The following NOL6 variants were observed in gnomAD, a reference collection of about 807,000 sequenced individuals.
NOL6 encodes the protein nucleolar protein 6.
Under a neutral mutation model 131.7 loss-of-function variants are expected in NOL6, and 33 were observed. The observed-to-expected ratio is 0.25, with a 90% confidence interval of 0.19 to 0.33. NOL6 has a LOEUF of 0.33. Ranked by LOEUF, NOL6 falls within the 10% of genes least tolerant of loss-of-function variation. NOL6 has a pLI of 1.00. For synonymous variants in NOL6, 580 were observed against 605.7 expected (o/e 0.96, Z 0.62); for missense variants, 1,297 against 1,494.5 (o/e 0.87, Z 2.18).
chr9:33,467,536 T>C lies in NOL6; in HGVS notation c.1603-20A>G. 6.2e-7 allele frequency: 1 copy of C among 1,613,752 alleles called. No homozygotes were observed. Among genetic ancestry groups the C allele is most frequent in the Non-Finnish European group, 8.5e-7 (1 of 1,179,708 alleles). On this transcript the variant is annotated intron_variant, in intron 12 of 25. Transcript: ENST00000297990. The surrounding 1 kb of genome is among the most constrained non-coding windows in gnomAD (Gnocchi z 4.4). ...GTCCCACTGCAGGATTTCAAAAGGC[T>C]GAGCTCAGTCCTCCAATCCTCCAGC...
rs774760665 is a variant in NOL6, at chr9:33,463,427, C to T, written c.3009G>A (p.Pro1003=). 76 of 1,611,604 alleles carry T rather than the reference C, an allele frequency of 4.7e-5. No individual in the cohort carries two copies. Among genetic ancestry groups the T allele is most frequent in the Admixed American group, 6.7e-5 (4 of 59,852 alleles). The change falls in exon 24 of 26, where the codon CCG becomes CCA. Residue 1003 remains proline (P), a synonymous_variant. Coordinates refer to ENST00000297990, the MANE Select transcript of NOL6 (RefSeq NM_022917.5). Reference sequence around the variant, plus strand: ...TCAGCACGTCGTAAATGTCCAAGGGCGGCCGGAACACTGTCTAAGGAAGGG... The same window carrying T: ...TCAGCACGTCGTAAATGTCCAAGGGTGGCCGGAACACTGTCTAAGGAAGGG... The part of the protein sequence containing the change: ...GPGDIRTVFR[P]PLDIYDVLIR...
At position 33,468,543 on chromosome 9, in the gene NOL6, C is replaced by T. The variant is rs965488537; in HGVS notation, c.1171G>A (p.Gly391Arg). 6.2e-7 allele frequency: 1 copy of T among 1,614,138 alleles called. No individual in the cohort carries two copies. Among genetic ancestry groups the T allele is most frequent in the Non-Finnish European group, 8.5e-7 (1 of 1,180,022 alleles). The part of the protein sequence containing the change: ...FLATTDLTVN[G>R]ISLCLSSDPS... ...TCTGAGCTGAGACATAAACTGATCCCGTTGACTGTCAGGTCTGTAGTGGCT... is the reference window on the plus strand; with the variant it reads ...TCTGAGCTGAGACATAAACTGATCCTGTTGACTGTCAGGTCTGTAGTGGCT... Residue 391 changes from glycine to arginine, a missense_variant, in exon 9 of 26, where the codon GGG becomes AGG. Gly to Arg is a moderately radical substitution (Grantham distance 125). Coordinates refer to ENST00000297990, the MANE Select transcript of NOL6 (RefSeq NM_022917.5).
chr9:33,468,825 G>A lies in NOL6; in HGVS notation c.1074C>T (p.Phe358=), dbSNP rs756416687. The A allele has an allele frequency of 1.9e-6, 3 of 1,614,106 alleles. No homozygotes were observed. The South Asian group carries it at 3.3e-5, about 18-fold the overall frequency. Reference sequence around the variant, plus strand: ...TATGGATCTTGCGTGTAGACACAAGGAAGACAACCAGCATGGAGACAAGGA... The same window carrying A: ...TATGGATCTTGCGTGTAGACACAAGAAAGACAACCAGCATGGAGACAAGGA... ...TGFLVSMLVV[F]LVSTRKIHTT... The change falls in exon 8 of 26, where the codon TTC becomes TTT. Residue 358 remains phenylalanine, a synonymous_variant. Transcript: ENST00000297990.
At chr9:33,469,756 G>A in intron 4 of NOL6, 89 bp from the exon 5 acceptor site, 2 of 1,494,836 alleles carry the variant, frequency 1.3e-6, no homozygotes, top group Non-Finnish European at 1.8e-6. Flanking sequence ...GAGAGCCAGG[G>A]CTCCTCTGCT....
At position 33,470,164 on chromosome 9, in the gene NOL6, C is replaced by T. The variant is rs766512867; in HGVS notation, c.406G>A (p.Gly136Arg). ...ACTTGGTGGAGGGGCACTCGAACCC[C>T]AGCTGGGAGCCATGCCTGGTCAGTG... ...ELTDQAWLPA[G>R]VRVPLHQVPY... The change falls in exon 4 of 26, where the codon GGG (glycine) becomes AGG (arginine). Residue 136 changes from glycine (G) to arginine (R), a missense_variant. Coordinates refer to ENST00000297990, the MANE Select transcript of NOL6 (RefSeq NM_022917.5). 3.8e-6 allele frequency: 6 copies of T among 1,596,478 alleles called. No individual in the cohort carries two copies. Among genetic ancestry groups the T allele is most frequent in the Non-Finnish European group, 4.3e-6 (5 of 1,168,614 alleles).
rs1827310637 is a variant in NOL6 at position 33,468,431 on chromosome 9, G to T, written c.1207-9C>A. On this transcript the variant is annotated splice_polypyrimidine_tract_variant and intron_variant, in intron 9 of 25. Transcript: ENST00000297990. The stretch of plus-strand genomic sequence containing the variant: ...AAGTCAGCCAGGGCCGGCTTGGGGG[G>T]TGTAGAGAGAAGCAGGTCAGGATTG... The T allele has an allele frequency of 5.0e-6, 8 of 1,614,048 alleles. No homozygotes were observed. The highest frequency in any genetic ancestry group is 1.1e-5 in the South Asian group (1 of 91,084).
chr9:33,462,041 C>T lies in NOL6; in HGVS notation c.*623G>A, dbSNP rs1167000793. On this transcript the variant is annotated 3_prime_UTR_variant, in exon 26 of 26. Transcript: ENST00000297990. ...CAGTCCCCTGACCCCTTCACCTACCCAATCCTTTCCTGTCCTCGGTTCTTT... is the reference window on the plus strand; with the variant it reads ...CAGTCCCCTGACCCCTTCACCTACCTAATCCTTTCCTGTCCTCGGTTCTTT... 8 of 687,552 alleles carry T rather than the reference C, an allele frequency of 1.2e-5. No individual in the cohort carries two copies. Among genetic ancestry groups the T allele is most frequent in the Non-Finnish European group, 1.9e-5 (7 of 366,760 alleles). 42.6% of individuals were successfully genotyped at this position (687,552 alleles called of 1,614,324 possible). A position where few individuals can be genotyped will look rare whatever the true frequency, so the allele number is the denominator to read the frequency against.
intron 5 of NOL6, 78 bp from the exon 6 acceptor site, chr9:33,469,419 T>TGAGG: frequency 6.2e-7 from 1 of 1,606,632 alleles, no homozygotes; most frequent in East Asian, 2.2e-5. Flanking sequence ...CCCCCATACT[T>TGAGG]GAGGCCTCCG....
chr9:33,465,274 C>T lies in NOL6; in HGVS notation c.2614G>A (p.Ala872Thr), dbSNP rs368533600. 18 of 1,596,854 alleles carry T rather than the reference C, an allele frequency of 1.1e-5. No individual in the cohort carries two copies. Among genetic ancestry groups the T allele is most frequent in the African/African-American group, 4.0e-5 (3 of 74,538 alleles). ...VRAQLLGEGF[A>T]DESLDLVAAA... ...GCCACCAGATCCAGGCTCTCATCAGCGAAACCCTCACCAAGAAGCTGGGCA... is the reference window on the plus strand; with the variant it reads ...GCCACCAGATCCAGGCTCTCATCAGTGAAACCCTCACCAAGAAGCTGGGCA... Residue 872 changes from alanine to threonine, a missense_variant, in exon 20 of 26, where the codon GCT becomes ACT. By Grantham distance (58) the Ala-to-Thr change is moderately conservative. Transcript: ENST00000297990.
rs1827105028 is a variant in NOL6, at chr9:33,461,976, C to T, written c.*688G>A. 2 of 595,288 alleles carry T rather than the reference C, an allele frequency of 3.4e-6. No homozygotes were observed. The highest frequency in any genetic ancestry group is 4.0e-5 in the South Asian group (2 of 49,730). The allele number at this position is 595,288 out of a possible 1,614,324, so 36.9% of individuals were successfully genotyped here. ...AGGGCAGATGCAGCTAACGGGTAGC[C>T]CCCAGTGCTTTTTGCACCTCTCCAA... On this transcript the variant is annotated 3_prime_UTR_variant, in exon 26 of 26. Coordinates refer to ENST00000297990, the MANE Select transcript of NOL6 (RefSeq NM_022917.5).
At position 33,462,630 on chromosome 9, in the gene NOL6, T is replaced by TAGA; in HGVS notation, c.*33_*34insTCT. ...ATCTTGCTCTAGAGGTCCAATGTCC[T>TAGA]GCTGTCCGTCTACAGCTTGCTCCAG... On this transcript the variant is annotated 3_prime_UTR_variant, in exon 26 of 26. Coordinates refer to ENST00000297990, the MANE Select transcript of NOL6 (RefSeq NM_022917.5). 6.2e-7 allele frequency: 1 copy of TAGA among 1,611,342 alleles called. No individual in the cohort carries two copies. Among genetic ancestry groups the TAGA allele is most frequent in the Non-Finnish European group, 8.5e-7 (1 of 1,177,978 alleles).
At chr9:33,464,263 G>A in intron 21 of NOL6, 102 bp from the exon 22 acceptor site, 1 of 1,375,230 alleles carries the variant, frequency 7.3e-7, no homozygotes, top group Non-Finnish European at 9.7e-7. Context: ...GCTCATCACA[G>A]GTATTTTTCA....
intron 23 of NOL6, 21 bp from the exon 24 acceptor site, chr9:33,463,462 G>GCC: frequency 6.3e-7 from 1 of 1,588,764 alleles, no homozygotes; most frequent in Non-Finnish European, 8.6e-7. Context: ...GGAGAAGGAG[G>GCC]GGTCAGCAGG....
In NOL6 at chr9:33,468,579, A is replaced by T; in HGVS notation, c.1148-13T>A. 1 of 1,613,962 alleles carries T rather than the reference A, an allele frequency of 6.2e-7. No individual in the cohort carries two copies. The highest frequency in any genetic ancestry group is 8.5e-7 in the Non-Finnish European group (1 of 1,179,826). On this transcript the variant is annotated splice_polypyrimidine_tract_variant and intron_variant, in intron 8 of 25. Transcript: ENST00000297990. ...AGGTCTGTAGTGGCTGAAGTGAATC[A>T]CAAGTGTATTAGAAGGTATCCCCTT... is the stretch of plus-strand genomic sequence containing the variant.
chr9:33,469,792 G>A (rs1407994446), intron 4 of NOL6, 125 bp from the exon 5 acceptor site: 1 of 1,199,850 alleles, frequency 8.3e-7, no homozygotes, highest in Non-Finnish European at 1.2e-6. Flanking sequence ...GCCACGGTTA[G>A]CAACACTAGG....
At position 33,466,061 on chromosome 9, in the gene NOL6, C is replaced by G; in HGVS notation, c.2364+10G>C. On this transcript the variant is annotated intron_variant, in intron 18 of 25. Transcript: ENST00000297990. Reference sequence around the variant, plus strand: ...TTCCCTGGGGACATATCTGCCTGCACCAGCCTAACCTTAAGGACATCCGTG... The same window carrying G: ...TTCCCTGGGGACATATCTGCCTGCAGCAGCCTAACCTTAAGGACATCCGTG... 1 of 1,571,938 alleles carries G rather than the reference C, an allele frequency of 6.4e-7. No individual in the cohort carries two copies. The highest frequency in any genetic ancestry group is 8.7e-7 in the Non-Finnish European group (1 of 1,154,594).
At chr9:33,473,231 T>C (rs1827463065) in intron 1 of NOL6, among the ~76,000 whole-genome samples, 1 of 152,170 alleles carries the variant, frequency 6.6e-6, no homozygotes, top group Non-Finnish European at 1.5e-5. Context: ...AGTCATTAAA[T>C]CCTCAAAATA....
chr9:33,462,945 C>T, intron 25 of NOL6, 88 bp downstream of exon 25: 1 of 1,535,270 alleles, frequency 6.5e-7, no homozygotes, highest in Non-Finnish European at 8.9e-7. Flanking sequence ...CACGGGTTTG[C>T]CCATAGGACA....
rs1827103466 is a variant in NOL6 at position 33,461,912 on chromosome 9, ATAG to A, written c.*749_*751del. 2 of 505,068 alleles carry A rather than the reference ATAG, an allele frequency of 4.0e-6. No homozygotes were observed. Among genetic ancestry groups the A allele is most frequent in the Middle Eastern group, 5.0e-4 (1 of 2,010 alleles). The allele number at this position is 505,068 out of a possible 1,614,324, so 31.3% of individuals were successfully genotyped here. A position where few individuals can be genotyped will look rare whatever the true frequency, so the allele number is the denominator to read the frequency against. ...ATCTCTGCAACCCCACTGCAGGTAC[ATAG>A]TAGTGGCAGTTTGTGACATGAACGG... On this transcript the variant is annotated 3_prime_UTR_variant, in exon 26 of 26. Coordinates refer to ENST00000297990, the MANE Select transcript of NOL6 (RefSeq NM_022917.5).
Sources: allele counts gnomAD v4.1 joint callset (sites outside exome capture counted in the v4.1 genomes callset), GRCh38; gene constraint gnomAD v4.1.1; non-coding constraint Gnocchi (gnomAD v3.1); transcripts MANE v1.5; gene names NCBI Gene and HGNC (gene_info 2026-07-23, HGNC 2026-07-21).